ANKRD17: variants seen among roughly 807,000 people sequenced by gnomAD.
ANKRD17 encodes ankyrin repeat domain-containing protein 17.
ANKRD17 carries 19 observed loss-of-function variants against 229.7 expected under a neutral mutation model. The ratio of observed to expected loss-of-function variants is 0.08; its 90% CI spans 0.06 to 0.12. The LOEUF (loss-of-function observed/expected upper bound fraction) is 0.12, where lower values mean the gene tolerates loss of function less well. Among genes scored for constraint, ANKRD17 ranks in the 10% least tolerant of loss-of-function variants. The probability of loss-of-function intolerance (pLI) is 1.00; values close to 1 mark genes in which losing one functional copy is unlikely to be tolerated. For missense variants in ANKRD17, 2,176 were observed against 3,176.8 expected (o/e 0.68, Z 7.57); for synonymous variants, 1,112 against 1,146.1 (o/e 0.97, Z 0.60).
intron 15 of ANKRD17, among the ~76,000 whole-genome samples, chr4:73,137,371 G>A (rs774985161): frequency 2.6e-5 from 4 of 152,122 alleles, no homozygotes; most frequent in Non-Finnish European, 4.4e-5. Flanking sequence ...AGGAAAGACA[G>A]ACGATTTTGG....
intron 2 of ANKRD17, among the ~76,000 whole-genome samples, chr4:73,166,973 A>G (rs918940751): frequency 1.3e-5 from 2 of 152,122 alleles, no homozygotes; most frequent in Admixed American, 6.6e-5. Flanking sequence ...AATATTAAGG[A>G]ATTACTTTTT....
At chr4:73,100,774 T>G in intron 25 of ANKRD17, 1 of 903,342 alleles carries the variant, frequency 1.1e-6, no homozygotes, top group Non-Finnish European at 1.3e-6. Flanking sequence ...CTTAAAATTT[T>G]CTGTAGTTTG....
chr4:73,232,587 A>C (rs774176062), intron 1 of ANKRD17, among the ~76,000 whole-genome samples: 19 of 152,154 alleles, frequency 1.2e-4, no homozygotes, highest in Non-Finnish European at 2.5e-4. Context: ...ACAACTTTCT[A>C]ATTTCCTAGA....
At chr4:73,154,236 T>C in intron 5 of ANKRD17, 123 bp from the exon 6 acceptor site, 1 of 451,332 alleles carries the variant, frequency 2.2e-6, no homozygotes, top group Non-Finnish European at 3.6e-6. Context: ...AAATTACATA[T>C]ACATATATGT....
rs138590238 is a variant in ANKRD17 at position 73,138,669 on chromosome 4, TTTCC to T, written c.3085+858_3085+861del. On this transcript the variant is annotated intron_variant, in intron 15 of 33. Coordinates refer to ENST00000358602, the MANE Select transcript of ANKRD17 (RefSeq NM_032217.5). Reference sequence around the variant, plus strand: ...CTGTTTATTCCTTTCATTTTTCTGTTTTCCTTCCTTTTCAAATTTTCTTTTTTTA... The same window carrying T: ...CTGTTTATTCCTTTCATTTTTCTGTTTTCCTTTTCAAATTTTCTTTTTTTA... Among the ~76,000 whole-genome samples, 926 of 152,218 alleles carry T rather than the reference TTTCC, an allele frequency of 6.1e-3. 11 individuals carry two copies. Among genetic ancestry groups the T allele is most frequent in the African/African-American group, 0.019 (771 of 41,546 alleles).
intron 29 of ANKRD17, among the ~76,000 whole-genome samples, chr4:73,087,340 C>T (rs2110136890): frequency 6.6e-6 from 1 of 152,252 alleles, no homozygotes; most frequent in South Asian, 2.1e-4. Context: ...TTGTCTCAGT[C>T]TCCCAAAGTG....
At chr4:73,211,785 C>T (rs919894377) in intron 1 of ANKRD17, among the ~76,000 whole-genome samples, 4 of 147,764 alleles carry the variant, frequency 2.7e-5, no homozygotes, top group Admixed American at 1.4e-4. Flanking sequence ...AGGCAGAGGT[C>T]GCAGTGAGCT....
intron 32 of ANKRD17, 56 bp from the exon 33 acceptor site, chr4:73,077,160 T>C: frequency 6.7e-7 from 1 of 1,486,842 alleles, no homozygotes; most frequent in Non-Finnish European, 9.0e-7. Flanking sequence ...TTTTTCCCAA[T>C]ATAATCAATA....
intron 15 of ANKRD17, among the ~76,000 whole-genome samples, 160 bp from the exon 16 acceptor site, chr4:73,135,425 G>A (rs1445782064): frequency 6.6e-6 from 1 of 152,132 alleles, no homozygotes; most frequent in African/African-American, 2.4e-5. Flanking sequence ...ATTCACTGAT[G>A]ACAGTGTAAA....
chr4:73,088,412 T>TA (rs1380486051), intron 29 of ANKRD17, among the ~76,000 whole-genome samples: 2 of 152,180 alleles, frequency 1.3e-5, no homozygotes, highest in Admixed American at 6.5e-5. Flanking sequence ...ATACACTCCC[T>TA]AAAAACCTCA....
chr4:73,163,134 G>A (rs930892297), intron 2 of ANKRD17, among the ~76,000 whole-genome samples: 22 of 151,776 alleles, frequency 1.4e-4, no homozygotes, highest in Non-Finnish European at 8.8e-5. Context: ...CAAAGGGCTA[G>A]GTTTACACGT....
intron 30 of ANKRD17, among the ~76,000 whole-genome samples, chr4:73,082,917 T>G (rs561076793): frequency 1.3e-5 from 2 of 152,312 alleles, no homozygotes; most frequent in East Asian, 1.9e-4. Context: ...ATGTAAAGTT[T>G]GCTGAATTTA....
intron 1 of ANKRD17, among the ~76,000 whole-genome samples, chr4:73,231,436 T>TA (rs1357377501): frequency 6.6e-6 from 1 of 152,194 alleles, no homozygotes; most frequent in Non-Finnish European, 1.5e-5. Flanking sequence ...AGATATCTGT[T>TA]ACCACTCTGC....
chr4:73,118,940 G>A (rs989062892), intron 21 of ANKRD17, 90 bp from the exon 22 acceptor site: 2 of 1,352,144 alleles, frequency 1.5e-6, no homozygotes, highest in African/African-American at 3.2e-5. Flanking sequence ...AGGCTGGAGT[G>A]CAGTGGTGAG....
chr4:73,076,834 C>G, intron 33 of ANKRD17, 106 bp downstream of exon 33: 1 of 1,329,894 alleles, frequency 7.5e-7, no homozygotes, highest in Non-Finnish European at 1.0e-6. Context: ...CCTCAACTGC[C>G]CATATTCACC....
At chr4:73,241,919 C>G (rs1278316051) in intron 1 of ANKRD17, among the ~76,000 whole-genome samples, 7 of 151,960 alleles carry the variant, frequency 4.6e-5, no homozygotes, top group Non-Finnish European at 8.8e-5. Context: ...AAGAACTGAC[C>G]ATTTCAAAAG....
At chr4:73,203,151 T>C (rs1560715095) in intron 1 of ANKRD17, among the ~76,000 whole-genome samples, 1 of 152,246 alleles carries the variant, frequency 6.6e-6, no homozygotes, top group Non-Finnish European at 1.5e-5. Context: ...TAGATCTTGA[T>C]GTTTCTCAAC....
At chr4:73,158,107 G>A (rs1261507489) in intron 3 of ANKRD17, among the ~76,000 whole-genome samples, 9 of 99,526 alleles carry the variant, frequency 9.0e-5, no homozygotes, top group African/African-American at 3.0e-4. Context: ...AAGAAAGGAA[G>A]GAAAGAAGGA....
chr4:73,116,015 G>A, intron 22 of ANKRD17, 99 bp from the exon 23 acceptor site: 1 of 949,718 alleles, frequency 1.1e-6, no homozygotes, highest in Admixed American at 1.8e-5. Context: ...GGGCCACAAA[G>A]TAAAGACTAA....
Sources: allele counts gnomAD v4.1 joint callset (sites outside exome capture counted in the v4.1 genomes callset), GRCh38; gene constraint gnomAD v4.1.1; transcripts MANE v1.5; gene names NCBI Gene and HGNC (gene_info 2026-07-23, HGNC 2026-07-21).